BCO1: variants seen among roughly 807,000 people sequenced by gnomAD.
BCO1 encodes beta,beta-carotene 15,15'-dioxygenase.
BCO1 carries 54 observed loss-of-function variants against 56.3 expected under a neutral mutation model. The observed-to-expected ratio is 0.96, with a 90% CI of 0.77 to 1.20. The LOEUF is 1.20. Among genes scored for constraint, BCO1 ranks in the 50% most tolerant of loss-of-function variants. The pLI, the probability that BCO1 is intolerant of heterozygous loss-of-function variation, is 0.00. For missense variants in BCO1, 801 were observed against 690.9 expected (o/e 1.16, Z -1.79); for synonymous variants, 318 against 266.1 (o/e 1.20, Z -1.90).
chr16:81,243,849 G>A (rs1035370950), intron 1 of BCO1, among the ~76,000 whole-genome samples: 6 of 152,196 alleles, frequency 3.9e-5, no homozygotes, highest in African/African-American at 1.4e-4. Context: ...GTGATCCCAA[G>A]AAACATCAGG....
At chr16:81,280,720 G>A in intron 7 of BCO1, 137 bp from the exon 8 acceptor site, 1 of 699,162 alleles carries the variant, frequency 1.4e-6, no homozygotes, top group African/African-American at 1.8e-5. Context: ...CAGGAAACGA[G>A]CTGCTTCCTA....
At chr16:81,254,322 T>G (rs1905992352) in intron 2 of BCO1, among the ~76,000 whole-genome samples, 1 of 143,656 alleles carries the variant, frequency 7.0e-6, no homozygotes, top group Non-Finnish European at 1.5e-5. Flanking sequence ...TTTTTTTTTT[T>G]GTATTTTTAG....
In BCO1 at chr16:81,288,071, G is replaced by T. The variant is rs62046010; in HGVS notation, c.1414+665G>T. On this transcript the variant is annotated intron_variant, in intron 10 of 10. Transcript: ENST00000258168. ...GGCCCAAGGCCCCCAGGTATACAAA[G>T]ATACTTGTATCAAGCAGGACATTCG... 1.7e-3 allele frequency among the ~76,000 whole-genome samples: 259 copies of T among 152,260 alleles called. 1 individual carries two copies. Among genetic ancestry groups the T allele is most frequent in the Non-Finnish European group, 3.0e-3 (203 of 68,016 alleles).
At chr16:81,264,371 C>G (rs1409134871) in intron 4 of BCO1, among the ~76,000 whole-genome samples, 1 of 152,194 alleles carries the variant, frequency 6.6e-6, no homozygotes, top group Non-Finnish European at 1.5e-5. Flanking sequence ...AGCTCCCTAA[C>G]TCCCCTGCAA....
intron 7 of BCO1, among the ~76,000 whole-genome samples, chr16:81,276,368 A>G (rs915194348): frequency 1.3e-5 from 2 of 152,146 alleles, no homozygotes; most frequent in African/African-American, 4.8e-5. Flanking sequence ...CATGTGCTGG[A>G]CACCTGGGAT....
At chr16:81,274,525 A>C (rs949684353) in intron 7 of BCO1, among the ~76,000 whole-genome samples, 13 of 152,018 alleles carry the variant, frequency 8.6e-5, no homozygotes, top group Admixed American at 7.2e-4. Flanking sequence ...CAGCCTTCCA[A>C]AGTGCTGGGA....
intron 2 of BCO1, among the ~76,000 whole-genome samples, chr16:81,254,976 G>C (rs1352363491): frequency 1.3e-5 from 2 of 152,078 alleles, no homozygotes; most frequent in Non-Finnish European, 2.9e-5. Context: ...TAGAGATGGG[G>C]TCTCGCCATG....
chr16:81,262,851 A>AC, intron 4 of BCO1: 1 of 156,084 alleles, frequency 6.4e-6, no homozygotes, highest in Non-Finnish European at 1.4e-5. Flanking sequence ...AAAAAAAAAA[A>AC]AAAAACAAGA....
Position 81,259,857 on chromosome 16 carries a change from A to G in BCO1, c.323+52A>G, listed in dbSNP as rs750447932. ...AATTTCATGCTTTTTGCTATCCTTG[A>G]TGGCTGAAATAACCAGCATTTGCTC... On this transcript the variant is annotated intron_variant, in intron 3 of 10. Transcript: ENST00000258168. 1.6e-5 allele frequency: 26 copies of G among 1,608,396 alleles called. 1 individual carries two copies. The highest frequency in any genetic ancestry group is 5.5e-5 in the South Asian group (5 of 90,956).
In BCO1 at chr16:81,270,273, G is replaced by A. The variant is rs570126506; in HGVS notation, c.958G>A (p.Val320Met). Reference sequence around the variant, plus strand: ...CGCCTACGAAGAGGACGGCTGCATCGTGTTTGACGTCATTGCCTACGAGGA... The same window carrying A: ...CGCCTACGAAGAGGACGGCTGCATCATGTTTGACGTCATTGCCTACGAGGA... ...VNAYEEDGCI[V>M]FDVIAYEDNS... is the part of the protein sequence containing the mutation. The change falls in exon 7 of 11, where the codon GTG (valine) becomes ATG (methionine). Residue 320 changes from valine (V) to methionine (M), a missense_variant. Physicochemically the swap from Val to Met is conservative, Grantham distance 21 (BLOSUM62 1). Coordinates refer to ENST00000258168, the MANE Select transcript of BCO1 (RefSeq NM_017429.3). 4.4e-5 allele frequency: 71 copies of A among 1,614,170 alleles called. 1 individual carries two copies. In the South Asian group the frequency reaches 5.3e-4, roughly 12 times the overall value.
At chr16:81,263,612 T>G (rs1303647100) in intron 4 of BCO1, 1 of 152,194 alleles carries the variant, frequency 6.6e-6, no homozygotes, top group Admixed American at 6.5e-5. Flanking sequence ...CACTGAGAAT[T>G]TGAATGAATG....
intron 7 of BCO1, among the ~76,000 whole-genome samples, chr16:81,277,184 G>A (rs1907610481): frequency 6.6e-6 from 1 of 152,156 alleles, no homozygotes; most frequent in Admixed American, 6.6e-5. Context: ...GCGTGTCAAG[G>A]CAGGGAGAGA....
chr16:81,286,736 C>T (rs555556979), intron 9 of BCO1, among the ~76,000 whole-genome samples: 4 of 151,996 alleles, frequency 2.6e-5, no homozygotes, highest in Non-Finnish European at 5.9e-5. Flanking sequence ...TAAAAGAATT[C>T]CTTCTACAGT....
At chr16:81,278,032 TTC>T (rs1359437384) in intron 7 of BCO1, among the ~76,000 whole-genome samples, 1 of 151,964 alleles carries the variant, frequency 6.6e-6, no homozygotes, top group Non-Finnish European at 1.5e-5. Context: ...CATTGAAAGT[TTC>T]TGTTTATTTT....
chr16:81,288,809 A>G (rs775623693), intron 10 of BCO1, among the ~76,000 whole-genome samples: 1 of 152,156 alleles, frequency 6.6e-6, no homozygotes, highest in Non-Finnish European at 1.5e-5. Context: ...GGGCTGCCAC[A>G]CCTGCAAGGA....
At chr16:81,259,591 C>T (rs1165773760) in intron 2 of BCO1, 85 bp from the exon 3 acceptor site, 1 of 1,568,812 alleles carries the variant, frequency 6.4e-7, no homozygotes. Context: ...CTTCTTCTCC[C>T]AGTAAAACCC....
intron 6 of BCO1, among the ~76,000 whole-genome samples, chr16:81,268,907 A>C (rs910693153): frequency 6.6e-6 from 1 of 151,754 alleles, no homozygotes; most frequent in African/African-American, 2.4e-5. Context: ...CTGGAACCAG[A>C]GGCACATGTC....
chr16:81,250,850 G>T (rs1198538909), intron 2 of BCO1, among the ~76,000 whole-genome samples: 2 of 152,116 alleles, frequency 1.3e-5, no homozygotes, highest in African/African-American at 4.8e-5. Context: ...CAAAGTGCTG[G>T]GATGACAAGT....
rs139244426 is a variant in BCO1, at chr16:81,276,457, C to T, written c.1102-4400C>T. 7.1e-3 allele frequency among the ~76,000 whole-genome samples: 1,075 copies of T among 152,332 alleles called. 17 individuals carry two copies. The highest frequency in any genetic ancestry group is 0.024 in the African/African-American group (1,015 of 41,586). ...GCAGACTGCCACTCTGCTGTTCCTG[C>T]CACAGGCCCATGAGGTGGCCAGGGC... On this transcript the variant is annotated intron_variant, in intron 7 of 10. Transcript: ENST00000258168.
Sources: allele counts gnomAD v4.1 joint callset (sites outside exome capture counted in the v4.1 genomes callset), GRCh38; gene constraint gnomAD v4.1.1; transcripts MANE v1.5; gene names NCBI Gene and HGNC (gene_info 2026-07-23, HGNC 2026-07-21).